DLGAP1: variants seen among roughly 807,000 people sequenced by gnomAD.
The protein encoded by DLGAP1 is disks large-associated protein 1.
A neutral mutation model predicts 90.8 loss-of-function variants in DLGAP1; 11 were observed. The ratio of observed to expected loss-of-function variants is 0.12; its 90% CI spans 0.08 to 0.20. The LOEUF (loss-of-function observed/expected upper bound fraction) is 0.20. DLGAP1 is among the 10% of genes least tolerant of loss of function. The probability of loss-of-function intolerance (pLI) is 1.00; values close to 1 mark genes in which losing one functional copy is unlikely to be tolerated. For synonymous variants in DLGAP1, 558 were observed against 540.7 expected, an observed-to-expected ratio of 1.03 and a Z score of -0.44; for missense variants, 1,050 against 1,333.8, an observed-to-expected ratio of 0.79 and a Z score of 3.31.
At chr18:3,553,658 C>T (rs2053599545) in intron 9 of DLGAP1, among the ~76,000 whole-genome samples, 2 of 152,036 alleles carry the variant, frequency 1.3e-5, no homozygotes, top group African/African-American at 2.4e-5. Context: ...CTCAGCCTCC[C>T]GAGTAGCTGG....
intron 7 of DLGAP1, among the ~76,000 whole-genome samples, chr18:3,668,201 T>C (rs930327125): frequency 6.6e-6 from 1 of 152,266 alleles, no homozygotes; most frequent in Admixed American, 6.5e-5. Context: ...CATATTTTCC[T>C]GAGAACTCCC....
chr18:3,836,986 C>T (rs1423536793), intron 4 of DLGAP1, among the ~76,000 whole-genome samples: 2 of 152,130 alleles, frequency 1.3e-5, no homozygotes, highest in African/African-American at 2.4e-5. Flanking sequence ...TACAGGAGAA[C>T]TCAGAACGAG....
At chr18:3,745,174 G>A (rs1262198182) in intron 5 of DLGAP1, among the ~76,000 whole-genome samples, 1 of 152,160 alleles carries the variant, frequency 6.6e-6, no homozygotes, top group East Asian at 1.9e-4. Flanking sequence ...GACTAGAGCT[G>A]GGCGGGGAAA....
At chr18:3,506,513 CAAAAAAAAAA>C (rs11316330) in intron 11 of DLGAP1, among the ~76,000 whole-genome samples, 1 of 69,624 alleles carries the variant, frequency 1.4e-5, no homozygotes, top group South Asian at 6.8e-4. Context: ...GACTCCGTCT[CAAAAAAAAAA>C]AAAAAAAAAA....
intron 7 of DLGAP1, among the ~76,000 whole-genome samples, chr18:3,662,741 C>A (rs371365103): frequency 1.3e-5 from 2 of 152,340 alleles, no homozygotes; most frequent in Admixed American, 1.3e-4. Flanking sequence ...AGCCAAGGAA[C>A]TGGCAGCATG....
chr18:4,080,303 T>C (rs1298334023), intron 2 of DLGAP1, among the ~76,000 whole-genome samples: 1 of 152,256 alleles, frequency 6.6e-6, no homozygotes, highest in Non-Finnish European at 1.5e-5. Context: ...CATTTCTTAA[T>C]GATAACGCTA....
chr18:3,584,073 A>G (rs1239969847), intron 7 of DLGAP1, among the ~76,000 whole-genome samples: 1 of 152,140 alleles, frequency 6.6e-6, no homozygotes, highest in Non-Finnish European at 1.5e-5. Flanking sequence ...TTTGATTACA[A>G]CGCTGAGGGT....
At chr18:3,744,421 A>T (rs1251633554) in intron 5 of DLGAP1, among the ~76,000 whole-genome samples, 1 of 152,226 alleles carries the variant, frequency 6.6e-6, no homozygotes, top group Non-Finnish European at 1.5e-5. Flanking sequence ...AGAAAATGAT[A>T]AAATTTATGG....
chr18:3,868,829 C>T (rs986264900), intron 4 of DLGAP1, among the ~76,000 whole-genome samples: 3 of 152,130 alleles, frequency 2.0e-5, no homozygotes, highest in Non-Finnish European at 2.9e-5. Flanking sequence ...TGTTTACTTG[C>T]TCTTTTCAAT....
intron 6 of DLGAP1, among the ~76,000 whole-genome samples, chr18:3,739,495 A>G (rs2062808701): frequency 6.8e-6 from 1 of 146,956 alleles, no homozygotes; most frequent in South Asian, 2.2e-4. Flanking sequence ...ATGAAATTGA[A>G]AATCATCATT....
intron 9 of DLGAP1, among the ~76,000 whole-genome samples, chr18:3,535,072 CTGTGTGTGTG>C (rs111975324): frequency 0.075 from 10,924 of 144,692 alleles, 546 homozygotes; most frequent in East Asian, 0.28. Flanking sequence ...TCAATCTTCT[CTGTGTGTGTG>C]TGTGTGTGTG....
chr18:3,743,364 T>A (rs927338786), intron 5 of DLGAP1, among the ~76,000 whole-genome samples: 17 of 152,024 alleles, frequency 1.1e-4, no homozygotes, highest in East Asian at 3.8e-4. Context: ...ATTTTTTTTT[T>A]ATTTTTTTGA....
intron 5 of DLGAP1, among the ~76,000 whole-genome samples, chr18:3,752,510 TCTCCCTCCCTCC>T (rs1046135037): frequency 7.1e-6 from 1 of 140,272 alleles, no homozygotes; most frequent in African/African-American, 2.6e-5. Flanking sequence ...TCCCTCCCTC[TCTCCCTCCCTCC>T]CTCCCTCCGT....
At chr18:4,452,361 C>T (rs28594341) in intron 1 of DLGAP1, among the ~76,000 whole-genome samples, 34,589 of 151,906 alleles carry the variant, frequency 0.23, 4,482 homozygotes, top group African/African-American at 0.36. Context: ...GTATTCATCT[C>T]GATTAAGTTG....
At chr18:3,657,896 G>A (rs1256552099) in intron 7 of DLGAP1, among the ~76,000 whole-genome samples, 5 of 151,918 alleles carry the variant, frequency 3.3e-5, no homozygotes, top group East Asian at 1.9e-4. Context: ...GAGCCACCGC[G>A]CCCGGCTCCC....
intron 2 of DLGAP1, among the ~76,000 whole-genome samples, chr18:4,076,174 T>TC (rs752741947): frequency 6.6e-6 from 1 of 152,202 alleles, no homozygotes; most frequent in Non-Finnish European, 1.5e-5. Context: ...GTGCTGTTTT[T>TC]CTTTTCTCCT....
chr18:4,136,237 T>A (rs867263928), intron 2 of DLGAP1, among the ~76,000 whole-genome samples: 1 of 152,104 alleles, frequency 6.6e-6, no homozygotes, highest in South Asian at 2.1e-4. Context: ...ATATACTGAT[T>A]TATTTTCTTT....
chr18:4,396,397 C>G (rs9963119), intron 1 of DLGAP1, among the ~76,000 whole-genome samples: 150,429 of 152,306 alleles, frequency 0.99, 74,327 homozygotes, highest in Middle Eastern at 1. Context: ...CCTTCATGAT[C>G]ATGAGGACCC....
At chr18:3,932,081 A>G (rs2072529544) in intron 3 of DLGAP1, among the ~76,000 whole-genome samples, 1 of 152,140 alleles carries the variant, frequency 6.6e-6, no homozygotes, top group Admixed American at 6.5e-5. Flanking sequence ...CAGAAGTAGA[A>G]AGGTTGCGTG....
Sources: gnomAD v4.1 joint callset for allele counts (sites outside exome capture counted in the v4.1 genomes callset) on GRCh38, gnomAD v4.1.1 for gene constraint, MANE v1.5 for transcripts, NCBI Gene and HGNC (gene_info 2026-07-23, HGNC 2026-07-21) for gene names.